Variants in MASP1 observed in about 807,000 individuals in gnomAD.
MASP1 encodes MBL associated serine protease 1.
Under a neutral mutation model 77.1 loss-of-function variants are expected in MASP1, and 59 were observed. The observed-to-expected ratio is 0.77, with a 90% CI of 0.62 to 0.95. MASP1 has a LOEUF of 0.95. Ranked by LOEUF, MASP1 falls within the 40% of genes least tolerant of loss-of-function variation. MASP1 has a pLI of 0.00. For synonymous variants in MASP1, 362 were observed against 354.5 expected (o/e 1.02, Z -0.24); for missense variants, 885 against 912.9 (o/e 0.97, Z 0.39).
chr3:187,251,329 T>A, intron 7 of MASP1: 1 of 366,024 alleles, frequency 2.7e-6, no homozygotes, highest in Non-Finnish European at 5.2e-6. Flanking sequence ...ATAAGCCCGA[T>A]GAACTTTGTT....
At chr3:187,285,359 C>A (rs1717766283) in intron 2 of MASP1, among the ~76,000 whole-genome samples, 1 of 152,176 alleles carries the variant, frequency 6.6e-6, no homozygotes, top group Non-Finnish European at 1.5e-5. Context: ...CTTCCTACTT[C>A]ATCTCTGACT....
At chr3:187,268,189 T>C (rs1716202117) in intron 2 of MASP1, among the ~76,000 whole-genome samples, 1 of 152,094 alleles carries the variant, frequency 6.6e-6, no homozygotes, top group African/African-American at 2.4e-5. Context: ...GGTAGAAAAA[T>C]GTATGTAATG....
chr3:187,275,487 C>T (rs1716888681), intron 2 of MASP1, among the ~76,000 whole-genome samples: 1 of 152,130 alleles, frequency 6.6e-6, no homozygotes, highest in African/African-American at 2.4e-5. Context: ...CTTAAACCTC[C>T]CCAGGCGGTA....
intron 13 of MASP1, chr3:187,223,214 G>C (rs1478416764): frequency 1.2e-6 from 2 of 1,608,980 alleles, no homozygotes; most frequent in African/African-American, 1.3e-5. Flanking sequence ...AGAAGATACT[G>C]TGAGAACAGA....
intron 7 of MASP1, among the ~76,000 whole-genome samples, chr3:187,251,040 C>T (rs148703451): frequency 3.6e-4 from 55 of 152,264 alleles, no homozygotes; most frequent in Non-Finnish European, 6.5e-4. Flanking sequence ...CTCACTGCAA[C>T]CTCTGCCTCC....
At chr3:187,271,674 A>G (rs1716529275) in intron 2 of MASP1, among the ~76,000 whole-genome samples, 1 of 152,200 alleles carries the variant, frequency 6.6e-6, no homozygotes, top group South Asian at 2.1e-4. Context: ...TTTTACATTT[A>G]AAAAGAAACT....
chr3:187,253,025 C>T (rs569344870), intron 6 of MASP1, 143 bp downstream of exon 6: 33 of 1,009,884 alleles, frequency 3.3e-5, no homozygotes, highest in Non-Finnish European at 4.0e-5. Flanking sequence ...GGAGAAAGCA[C>T]GTGCCTTGGT....
At chr3:187,283,877 T>C (rs1259281697) in intron 2 of MASP1, among the ~76,000 whole-genome samples, 1 of 152,198 alleles carries the variant, frequency 6.6e-6, no homozygotes, top group Non-Finnish European at 1.5e-5. Flanking sequence ...AGATTCCACT[T>C]AGCCTGAGGA....
intron 1 of MASP1, among the ~76,000 whole-genome samples, chr3:187,286,982 A>G (rs1717914246): frequency 1.3e-5 from 2 of 152,116 alleles, no homozygotes; most frequent in South Asian, 4.1e-4. Context: ...ACCACATCCT[A>G]CTTATTCTGC....
chr3:187,243,408 G>A lies in MASP1; in HGVS notation c.1228+76C>T, dbSNP rs1713818706. The A allele has an allele frequency of 3.3e-6, 5 of 1,493,658 alleles. No individual in the cohort carries two copies. In the South Asian group the frequency reaches 3.4e-5, roughly 10 times the overall value. The allele number at this position is 1,493,658 out of a possible 1,614,324, so 92.5% of individuals were successfully genotyped here. ...ATGAGCAGTTCTTCCTTTCACAGCT[G>A]TCTCGGCCCCCAGTCCAACCCTGAG... On this transcript the variant is annotated intron_variant, in intron 9 of 10. Coordinates refer to ENST00000296280, the MANE Select transcript of MASP1 (RefSeq NM_139125.4).
intron 5 of MASP1, among the ~76,000 whole-genome samples, chr3:187,256,334 T>C (rs1458512954): frequency 6.6e-6 from 1 of 152,190 alleles, no homozygotes; most frequent in African/African-American, 2.4e-5. Context: ...AAACCAAGCA[T>C]GAGGCCCTTC....
At chr3:187,270,749 T>C (rs547014066) in intron 2 of MASP1, among the ~76,000 whole-genome samples, 2 of 152,306 alleles carry the variant, frequency 1.3e-5, no homozygotes, top group East Asian at 1.9e-4. Context: ...TGTGAGGCCA[T>C]AGGGCTCAGC....
At chr3:187,265,928 A>T (rs1190894974) in intron 2 of MASP1, among the ~76,000 whole-genome samples, 4 of 152,190 alleles carry the variant, frequency 2.6e-5, no homozygotes, top group Admixed American at 6.5e-5. Context: ...CAGAGGGGTC[A>T]CTGGTCCCGG....
At chr3:187,255,833 C>T (rs1481555027) in intron 5 of MASP1, among the ~76,000 whole-genome samples, 1 of 147,288 alleles carries the variant, frequency 6.8e-6, no homozygotes, top group Non-Finnish European at 1.5e-5. Context: ...TTCTAGCTTC[C>T]TTTTTTTTTT....
intron 2 of MASP1, among the ~76,000 whole-genome samples, chr3:187,282,986 G>A (rs774830743): frequency 6.6e-6 from 1 of 152,212 alleles, no homozygotes; most frequent in Non-Finnish European, 1.5e-5. Flanking sequence ...ATGCCCAGAG[G>A]TCATCTGTCT....
chr3:187,244,964 C>T (rs1287446304), intron 8 of MASP1: 3 of 152,154 alleles, frequency 2.0e-5, no homozygotes, highest in Non-Finnish European at 2.9e-5. Context: ...ACTCAAAATG[C>T]AAATAATTTC....
intron 1 of MASP1, chr3:187,291,112 G>A (rs746610632): frequency 5.6e-5 from 10 of 178,366 alleles, no homozygotes; most frequent in Non-Finnish European, 8.5e-5. Context: ...AATGGGGACA[G>A]ATTTTTAGTT....
chr3:187,247,233 CG>C, intron 8 of MASP1: 1 of 1,300,408 alleles, frequency 7.7e-7, no homozygotes. Context: ...GAAAGGGGCA[CG>C]GGGGTGTTGT....
chr3:187,234,119 C>T lies in MASP1; in HGVS notation c.*1565G>A. ...ACGAGGGTTTATTTCCACTTGAGAC[C>T]CCTGATGGGAGCAACAATGCAGAGG... On this transcript the variant is annotated 3_prime_UTR_variant, in exon 11 of 11. Coordinates refer to ENST00000296280, the MANE Select transcript of MASP1 (RefSeq NM_139125.4). 1.6e-6 allele frequency: 2 copies of T among 1,285,006 alleles called. No homozygotes were observed. The highest frequency in any genetic ancestry group is 2.5e-5 in the South Asian group (2 of 80,770). The allele number at this position is 1,285,006 out of a possible 1,614,324, so 79.6% of individuals were successfully genotyped here.
Sources: allele counts gnomAD v4.1 joint callset (sites outside exome capture counted in the v4.1 genomes callset), GRCh38; gene constraint gnomAD v4.1.1; transcripts MANE v1.5; gene names NCBI Gene and HGNC (gene_info 2026-07-23, HGNC 2026-07-21).